Variants in FRMD3 observed in about 807,000 individuals in gnomAD.
FRMD3 encodes the protein FERM domain containing 3.
FRMD3 carries 33 observed loss-of-function variants against 70.2 expected under a neutral mutation model. That is an observed-to-expected ratio of 0.47 (90% confidence interval 0.36 to 0.63). The LOEUF is 0.63. Among genes scored for constraint, FRMD3 ranks in the 20% least tolerant of loss-of-function variants. The pLI, the probability that FRMD3 is intolerant of heterozygous loss-of-function variation, is 0.00. For missense variants in FRMD3, 632 were observed against 711.4 expected (o/e 0.89, Z 1.27); for synonymous variants, 279 against 255.9 (o/e 1.09, Z -0.86).
chr9:83,366,971 T>G (rs774205832), intron 3 of FRMD3, among the ~76,000 whole-genome samples: 3 of 152,110 alleles, frequency 2.0e-5, no homozygotes, highest in Admixed American at 6.5e-5. Context: ...AGGCGGAGGT[T>G]GCAGTGAGCC....
chr9:83,487,556 T>C (rs1467218614), intron 1 of FRMD3, among the ~76,000 whole-genome samples: 3 of 152,186 alleles, frequency 2.0e-5, no homozygotes, highest in Non-Finnish European at 2.9e-5. Flanking sequence ...AATGCTACAA[T>C]AGTAACAGAT....
At chr9:83,457,531 T>C (rs1369013222) in intron 1 of FRMD3, among the ~76,000 whole-genome samples, 1 of 152,228 alleles carries the variant, frequency 6.6e-6, no homozygotes, top group African/African-American at 2.4e-5. Context: ...TTTCATATAA[T>C]TTGTGGACAT....
chr9:83,475,421 T>C lies in FRMD3; in HGVS notation c.147+62664A>G, dbSNP rs538984304. On this transcript the variant is annotated intron_variant, in intron 1 of 13. Coordinates refer to ENST00000304195, the MANE Select transcript of FRMD3 (RefSeq NM_174938.6). ...AGAGAATTGGTGATCTAGAAGATAATAGTTCAATAGAAAATGCCCAGGGTA... is the reference window on the plus strand; with the variant it reads ...AGAGAATTGGTGATCTAGAAGATAACAGTTCAATAGAAAATGCCCAGGGTA... 2.0e-5 allele frequency among the ~76,000 whole-genome samples: 3 copies of C among 152,052 alleles called. No homozygotes were observed. In the South Asian group the frequency reaches 6.2e-4, roughly 32 times the overall value.
At position 83,430,449 on chromosome 9, in the gene FRMD3, G is replaced by A. The variant is rs1178824453; in HGVS notation, c.148-40741C>T. Among the ~76,000 whole-genome samples the A allele has an allele frequency of 7.2e-5, 11 of 152,292 alleles. 1 individual carries two copies. The South Asian group carries it at 1.0e-3, about 14-fold the overall frequency. On this transcript the variant is annotated intron_variant, in intron 1 of 13. Coordinates refer to ENST00000304195, the MANE Select transcript of FRMD3 (RefSeq NM_174938.6). ...ATGTATATCATGTGGGTTTAGACAC[G>A]TGCAGATGACAAAGACCTAAGGCAG...
At chr9:83,547,609 T>C in the FRMD3 span, among the ~76,000 whole-genome samples, 1 of 152,216 alleles carries the variant, frequency 6.6e-6, no homozygotes, top group African/African-American at 2.4e-5. Flanking sequence ...AACAATCCAA[T>C]GACATCACTA....
At chr9:83,534,794 G>A (rs1260116169) in intron 1 of FRMD3, among the ~76,000 whole-genome samples, 1 of 152,210 alleles carries the variant, frequency 6.6e-6, no homozygotes, top group East Asian at 1.9e-4. Context: ...TTTGGATTGT[G>A]GGATTCCAAT....
chr9:83,268,409 A>C (rs932907888), intron 13 of FRMD3, among the ~76,000 whole-genome samples: 1 of 152,246 alleles, frequency 6.6e-6, no homozygotes, highest in Non-Finnish European at 1.5e-5. Flanking sequence ...ACCCTGAGAA[A>C]ATAATCAGAA....
intron 1 of FRMD3, among the ~76,000 whole-genome samples, chr9:83,490,526 C>T (rs1306909210): frequency 1.3e-5 from 2 of 152,072 alleles, no homozygotes; most frequent in Non-Finnish European, 2.9e-5. Context: ...AAGTGATCTG[C>T]CCACCTCGGC....
intron 9 of FRMD3, 36 bp downstream of exon 9, chr9:83,310,449 A>G (rs769158752): frequency 3.9e-6 from 6 of 1,533,684 alleles, no homozygotes; most frequent in Non-Finnish European, 5.4e-6. Flanking sequence ...TCATGCACAC[A>G]CAATAACAGG....
downstream of FRMD3, among the ~76,000 whole-genome samples, chr9:83,244,181 A>AGAT (rs749782088): frequency 6.6e-6 from 1 of 151,896 alleles, no homozygotes; most frequent in African/African-American, 2.4e-5. Context: ...GTGCGTGAAC[A>AGAT]GATAGAGAAG....
chr9:83,407,719 G>A (rs1190963496), intron 1 of FRMD3, among the ~76,000 whole-genome samples: 1 of 152,138 alleles, frequency 6.6e-6, no homozygotes, highest in Non-Finnish European at 1.5e-5. Flanking sequence ...TCAACTGGAT[G>A]GATCTTGTCT....
intron 1 of FRMD3, among the ~76,000 whole-genome samples, chr9:83,447,816 C>T (rs1289223649): frequency 6.6e-6 from 1 of 152,082 alleles, no homozygotes; most frequent in Admixed American, 6.5e-5. Context: ...ATGTTCTGGC[C>T]GAGTCACCTC....
At chr9:83,522,795 C>T (rs1208083964) in intron 1 of FRMD3, among the ~76,000 whole-genome samples, 1 of 151,936 alleles carries the variant, frequency 6.6e-6, no homozygotes, top group East Asian at 1.9e-4. Context: ...GATCTCCTGA[C>T]CTCTTAATCT....
chr9:83,401,729 A>G (rs1339715751), intron 1 of FRMD3, among the ~76,000 whole-genome samples: 4 of 152,226 alleles, frequency 2.6e-5, no homozygotes, highest in African/African-American at 4.8e-5. Flanking sequence ...TGAGTCCCAC[A>G]CCAGCTTCTA....
At chr9:83,252,645 A>AT (rs1317910598) in intron 13 of FRMD3, among the ~76,000 whole-genome samples, 2 of 152,206 alleles carry the variant, frequency 1.3e-5, no homozygotes, top group African/African-American at 4.8e-5. Flanking sequence ...AAAGACACAC[A>AT]TAGGCTCAAA....
intron 1 of FRMD3, among the ~76,000 whole-genome samples, chr9:83,490,821 C>CACAT: frequency 6.6e-6 from 1 of 151,554 alleles, no homozygotes; most frequent in African/African-American, 2.4e-5. Context: ...CACACACACA[C>CACAT]ACACACACCA....
At chr9:83,476,989 C>T (rs928435101) in intron 1 of FRMD3, among the ~76,000 whole-genome samples, 3 of 152,174 alleles carry the variant, frequency 2.0e-5, no homozygotes, top group African/African-American at 7.2e-5. Flanking sequence ...CAGTACCTAA[C>T]TAGCACAGTA....
chr9:83,258,398 T>A (rs1832823465), intron 13 of FRMD3, among the ~76,000 whole-genome samples: 1 of 152,208 alleles, frequency 6.6e-6, no homozygotes, highest in African/African-American at 2.4e-5. Flanking sequence ...CAGCTGAGGT[T>A]TCCAGCAACT....
chr9:83,416,767 C>CTCTG (rs1826462600), intron 1 of FRMD3, among the ~76,000 whole-genome samples: 1 of 121,058 alleles, frequency 8.3e-6, no homozygotes, highest in African/African-American at 3.5e-5. Flanking sequence ...CTCTCTCTCT[C>CTCTG]TCTCTCTCTC....
Sources: allele counts gnomAD v4.1 joint callset (sites outside exome capture counted in the v4.1 genomes callset), GRCh38; gene constraint gnomAD v4.1.1; transcripts MANE v1.5; gene names NCBI Gene and HGNC (gene_info 2026-07-23, HGNC 2026-07-21).